SPESP1: variants seen among roughly 807,000 people sequenced by gnomAD.
SPESP1 encodes sperm equatorial segment protein 1, also known as equatorial segment protein.
SPESP1 carries 1 observed loss-of-function variant against 3.1 expected under a neutral mutation model. The observed-to-expected ratio is 0.33, with a 90% CI of 0.12 to 1.54. The LOEUF (loss-of-function observed/expected upper bound fraction) is 1.54. SPESP1 is among the 40% of genes most tolerant of loss of function. SPESP1 has a pLI of 0.38. For missense variants in SPESP1, 398 were observed against 410.1 expected (o/e 0.97, Z 0.26); for synonymous variants, 138 against 150.7 (o/e 0.92, Z 0.62).
chr15:68,938,992 G>T (rs1314027293), intron 1 of SPESP1, among the ~76,000 whole-genome samples: 1 of 152,042 alleles, frequency 6.6e-6, no homozygotes, highest in Non-Finnish European at 1.5e-5. Context: ...TACCACTTTT[G>T]TTCCTACAGT....
At position 68,945,858 on chromosome 15, in the gene SPESP1, G is replaced by A. The variant is rs147030835; in HGVS notation, c.324G>A (p.Pro108=). Reference sequence around the variant, plus strand: ...CTTTCCCTACAGGAGGCTTCACACCGGAAATAGGAAAGAAAAAACACACGG... The same window carrying A: ...CTTTCCCTACAGGAGGCTTCACACCAGAAATAGGAAAGAAAAAACACACGG... The part of the protein sequence containing the change: ...TTTFPTGGFT[P]EIGKKKHTES... Residue 108 remains proline, a synonymous_variant, in exon 2 of 2, where the codon CCG becomes CCA. Coordinates refer to ENST00000310673, the MANE Select transcript of SPESP1 (RefSeq NM_145658.4). 46 of 1,614,002 alleles carry A rather than the reference G, an allele frequency of 2.9e-5. No individual in the cohort carries two copies. The highest frequency in any genetic ancestry group is 1.7e-4 in the African/African-American group (13 of 75,010).
rs1053833402 is a variant in SPESP1, at chr15:68,937,411, G to T, written c.64+6694G>T. 1.2e-4 allele frequency among the ~76,000 whole-genome samples: 18 copies of T among 152,094 alleles called. 1 individual carries two copies. The highest frequency in any genetic ancestry group is 1.1e-3 in the Admixed American group (17 of 15,278). On this transcript the variant is annotated intron_variant, in intron 1 of 1. Coordinates refer to ENST00000310673, the MANE Select transcript of SPESP1 (RefSeq NM_145658.4). Reference sequence around the variant, plus strand: ...GTTAGAACTGTCTAAATTCTATAAAGAAAAGATCAGTATGCTAGAGAGAGA... The same window carrying T: ...GTTAGAACTGTCTAAATTCTATAAATAAAAGATCAGTATGCTAGAGAGAGA...
At chr15:68,937,352 G>A (rs1278509407) in intron 1 of SPESP1, among the ~76,000 whole-genome samples, 3 of 152,120 alleles carry the variant, frequency 2.0e-5, no homozygotes, top group Admixed American at 6.6e-5. Context: ...CTTACTAAGT[G>A]TAACAGTTAA....
Position 68,945,599 on chromosome 15 carries a change from G to A in SPESP1, c.65G>A (p.Ser22Asn). 6.5e-7 allele frequency: 1 copy of A among 1,549,342 alleles called. No individual in the cohort carries two copies. Residue 22 changes from serine to asparagine, a missense_variant and splice_region_variant, in exon 2 of 2, where the codon AGC becomes AAC. Physicochemically the swap from Ser to Asn is conservative, Grantham distance 46. Coordinates refer to ENST00000310673, the MANE Select transcript of SPESP1 (RefSeq NM_145658.4). ...LWPSSVPAYP[S>N]ITVTPDEEQN... ...TATTTATTTGATTTTTTCCCTGAAG[G>A]CATAACTGTGACACCTGATGAAGAG... is the stretch of plus-strand genomic sequence containing the variant.
chr15:68,940,661 C>T (rs1433112961), intron 1 of SPESP1, among the ~76,000 whole-genome samples: 1 of 152,044 alleles, frequency 6.6e-6, no homozygotes, highest in Non-Finnish European at 1.5e-5. Flanking sequence ...GCTGATTACA[C>T]CCCCATGGTG....
rs879556878 is a variant in SPESP1 at position 68,933,557 on chromosome 15, TA to T, written c.64+2853del. Among the ~76,000 whole-genome samples the T allele has an allele frequency of 7.5e-3, 1,082 of 144,838 alleles. 3 individuals carry two copies. Among genetic ancestry groups the T allele is most frequent in the African/African-American group, 0.015 (598 of 39,936 alleles). On this transcript the variant is annotated intron_variant, in intron 1 of 1. Transcript: ENST00000310673. ...TTTTTAATGAGAATTCTTTTTGCTT[TA>T]AAAAAAAAAAAATGCACAGGCCGGG...
intron 1 of SPESP1, among the ~76,000 whole-genome samples, chr15:68,936,995 CTAAAA>C (rs1488244408): frequency 1.3e-5 from 2 of 151,994 alleles, no homozygotes; most frequent in African/African-American, 2.4e-5. Flanking sequence ...CTTACTTTGC[CTAAAA>C]TAAAAGAACA....
chr15:68,930,646 C>G lies in SPESP1; in HGVS notation c.-8C>G, dbSNP rs564480159. ...CGGTCGCATGGCAGAGTGCTACGGA[C>G]GACGCCTATGAAGCCCTTAGTCCTT... On this transcript the variant is annotated 5_prime_UTR_variant, in exon 1 of 2. Transcript: ENST00000310673. The G allele has an allele frequency of 6.2e-7, 1 of 1,613,886 alleles. No homozygotes were observed. The highest frequency in any genetic ancestry group is 8.5e-7 in the Non-Finnish European group (1 of 1,179,812).
Position 68,930,731 on chromosome 15 carries a change from C to T in SPESP1, c.64+14C>T. 1.2e-6 allele frequency: 2 copies of T among 1,613,880 alleles called. No homozygotes were observed. Among genetic ancestry groups the T allele is most frequent in the Non-Finnish European group, 8.5e-7 (1 of 1,179,798 alleles). ...CGGCTTATCCGAGTGAGTGACGGGC[C>T]TGAGGAGGCAGCGGACCGGGGACAC... On this transcript the variant is annotated intron_variant, in intron 1 of 1. Transcript: ENST00000310673.
intron 1 of SPESP1, among the ~76,000 whole-genome samples, chr15:68,931,785 G>A (rs1895549871): frequency 6.6e-6 from 1 of 152,204 alleles, no homozygotes; most frequent in Non-Finnish European, 1.5e-5. Flanking sequence ...AGTCAGGTAG[G>A]TGAGGCTTCC....
rs1244246282 is a variant in SPESP1 at position 68,946,142 on chromosome 15, C to T, written c.608C>T (p.Ser203Leu). ...GAATCAGAAGATGTTCCTCAGCTCT[C>T]AGGTGAAACTGCGATAGAAAAACCC... Reference protein sequence around the residue: ...STESEDVPQLSGETAIEKPEE... With the variant: ...STESEDVPQLLGETAIEKPEE... Residue 203 changes from serine (S) to leucine (L), a missense_variant, in exon 2 of 2, where the codon TCA (serine) becomes TTA (leucine). Transcript: ENST00000310673. The T allele has an allele frequency of 1.2e-6, 2 of 1,614,152 alleles. No homozygotes were observed.
chr15:68,944,157 A>AC (rs1895899640), intron 1 of SPESP1, among the ~76,000 whole-genome samples: 1 of 152,128 alleles, frequency 6.6e-6, no homozygotes, highest in Non-Finnish European at 1.5e-5. Context: ...ATGGTAAAAA[A>AC]CCATAGCACT....
At chr15:68,939,493 A>G (rs116917314) in intron 1 of SPESP1, among the ~76,000 whole-genome samples, 1 of 152,336 alleles carries the variant, frequency 6.6e-6, no homozygotes, top group East Asian at 1.9e-4. Flanking sequence ...ACCTTGACCT[A>G]CAAACATTTT....
At chr15:68,941,489 A>G (rs1391863811) in intron 1 of SPESP1, among the ~76,000 whole-genome samples, 1 of 152,166 alleles carries the variant, frequency 6.6e-6, no homozygotes, top group African/African-American at 2.4e-5. Context: ...CTGGAAACTC[A>G]AGGGAAAAAT....
At chr15:68,943,849 G>A (rs1452286568) in intron 1 of SPESP1, among the ~76,000 whole-genome samples, 1 of 151,262 alleles carries the variant, frequency 6.6e-6, no homozygotes, top group African/African-American at 2.4e-5. Flanking sequence ...AAAAAAAAAA[G>A]AATTTTTTAA....
intron 1 of SPESP1, among the ~76,000 whole-genome samples, chr15:68,945,024 A>G (rs1444601968): frequency 6.6e-6 from 1 of 152,194 alleles, no homozygotes; most frequent in African/African-American, 2.4e-5. Context: ...CATTATATGC[A>G]TTTTCATCAT....
At chr15:68,944,389 C>A (rs941418919) in intron 1 of SPESP1, among the ~76,000 whole-genome samples, 1 of 149,484 alleles carries the variant, frequency 6.7e-6, no homozygotes, top group Non-Finnish European at 1.5e-5. Context: ...ATTAGATAGA[C>A]GCCCCAACAA....
At chr15:68,933,295 C>T (rs1468991938) in intron 1 of SPESP1, among the ~76,000 whole-genome samples, 2 of 152,122 alleles carry the variant, frequency 1.3e-5, no homozygotes, top group Non-Finnish European at 2.9e-5. Context: ...AATCTAAATT[C>T]AGTTAGACAT....
At chr15:68,937,448 T>A (rs1895710103) in intron 1 of SPESP1, among the ~76,000 whole-genome samples, 1 of 152,110 alleles carries the variant, frequency 6.6e-6, no homozygotes, top group Non-Finnish European at 1.5e-5. Flanking sequence ...TAAAGAAGGA[T>A]CTAGGGATCA....
Sources: gnomAD v4.1 joint callset for allele counts (sites outside exome capture counted in the v4.1 genomes callset) on GRCh38, gnomAD v4.1.1 for gene constraint, MANE v1.5 for transcripts, NCBI Gene and HGNC (gene_info 2026-07-23, HGNC 2026-07-21) for gene names.